HAPSTR1: variants seen among roughly 807,000 people sequenced by gnomAD.
HAPSTR1 encodes the protein HUWE1-associated protein modifying stress responses 1.
the HAPSTR1 span, chr16:9,105,575 A>G: frequency 7.2e-5 from 11 of 152,350 alleles, no homozygotes; most frequent in South Asian, 1.0e-3. Context: ...AGTGACTTCA[A>G]CTGGGTGTCC....
At chr16:9,113,180 C>T in the HAPSTR1 span, 5 of 152,112 alleles carry the variant, frequency 3.3e-5, no homozygotes, top group South Asian at 1.0e-3. Flanking sequence ...TGTCAAAATG[C>T]ACATTTTTTG....
At chr16:9,103,511 G>T in the HAPSTR1 span, 2 of 448,114 alleles carry the variant, frequency 4.5e-6, no homozygotes, top group Admixed American at 4.0e-5. Context: ...TCTTTCTGCA[G>T]TGTTGATTAG....
At chr16:9,093,108 C>CA in the HAPSTR1 span, 1,449 of 1,084,554 alleles carry the variant, frequency 1.3e-3, 16 homozygotes, top group African/African-American at 0.021. Flanking sequence ...AGCTGCTAAC[C>CA]TTGAATACCT....
At chr16:9,116,620 A>T in the HAPSTR1 span, 1 of 1,587,582 alleles carries the variant, frequency 6.3e-7, no homozygotes, top group Non-Finnish European at 8.6e-7. Context: ...TTGCTTTCAA[A>T]AGGGTTACAT....
chr16:9,105,097 C>T, the HAPSTR1 span: 1 of 152,306 alleles, frequency 6.6e-6, no homozygotes, highest in African/African-American at 2.4e-5. Flanking sequence ...ACTGTATTCT[C>T]CAACTCCCAC....
chr16:9,102,249 G>T, the HAPSTR1 span, among the ~76,000 whole-genome samples: 1 of 152,230 alleles, frequency 6.6e-6, no homozygotes, highest in Non-Finnish European at 1.5e-5. Flanking sequence ...GTGATGTTCT[G>T]CTGGCACAGC....
the HAPSTR1 span, chr16:9,109,268 T>A: frequency 2.0e-5 from 3 of 152,104 alleles, no homozygotes; most frequent in Non-Finnish European, 4.4e-5. Flanking sequence ...TGGATTGAAA[T>A]CTAGTCTGCC....
chr16:9,099,430 T>G, the HAPSTR1 span, among the ~76,000 whole-genome samples: 2 of 152,196 alleles, frequency 1.3e-5, no homozygotes, highest in Non-Finnish European at 2.9e-5. Flanking sequence ...TGGCTTCAAG[T>G]GATCCACCCA....
the HAPSTR1 span, chr16:9,118,064 A>G: frequency 6.6e-6 from 1 of 152,598 alleles, no homozygotes; most frequent in African/African-American, 2.4e-5. Context: ...TTCTCAATAG[A>G]TTCCTCTTTT....
the HAPSTR1 span, chr16:9,112,236 C>T: frequency 6.6e-6 from 1 of 152,186 alleles, no homozygotes; most frequent in African/African-American, 2.4e-5. Context: ...TGTCCTGGCA[C>T]CTCAGAACAC....
chr16:9,119,694 A>T, the HAPSTR1 span: 20 of 152,228 alleles, frequency 1.3e-4, no homozygotes, highest in African/African-American at 4.8e-4. Context: ...AAAACAAAAA[A>T]ACCATGGGGC....
chr16:9,106,711 A>G, the HAPSTR1 span: 1 of 151,916 alleles, frequency 6.6e-6, no homozygotes, highest in Non-Finnish European at 1.5e-5. Flanking sequence ...GGACCTAGTC[A>G]TCTGTATGTT....
the HAPSTR1 span, chr16:9,116,571 A>G: frequency 6.9e-7 from 1 of 1,456,224 alleles, no homozygotes; most frequent in Non-Finnish European, 9.3e-7. Flanking sequence ...AAATAGGCAG[A>G]CATGCTTTGA....
the HAPSTR1 span, among the ~76,000 whole-genome samples, chr16:9,102,071 C>T: frequency 6.6e-6 from 1 of 152,200 alleles, no homozygotes; most frequent in Non-Finnish European, 1.5e-5. Flanking sequence ...GAGATCGAGC[C>T]ATCGCACTAC....
chr16:9,116,883 C>A, the HAPSTR1 span: 2 of 1,614,144 alleles, frequency 1.2e-6, no homozygotes, highest in Non-Finnish European at 1.7e-6. Flanking sequence ...TACAGACTCA[C>A]CAACCCATAA....
chr16:9,099,139 AG>A, the HAPSTR1 span, among the ~76,000 whole-genome samples: 93,452 of 149,808 alleles, frequency 0.62, 30,637 homozygotes, highest in African/African-American at 0.83. Flanking sequence ...AAGCATTTAA[AG>A]AAAAAAAAGG....
chr16:9,092,860 C>T, the HAPSTR1 span: 11 of 1,436,688 alleles, frequency 7.7e-6, no homozygotes, highest in African/African-American at 4.3e-5. Flanking sequence ...CTCTTTCTTT[C>T]TCTTTCTATG....
the HAPSTR1 span, among the ~76,000 whole-genome samples, chr16:9,113,909 A>T: frequency 1.3e-5 from 2 of 152,184 alleles, no homozygotes; most frequent in Non-Finnish European, 2.9e-5. Context: ...GGTGTTGGAG[A>T]GGTGAATAAA....
At chr16:9,103,811 T>C in the HAPSTR1 span, 1 of 153,402 alleles carries the variant, frequency 6.5e-6, no homozygotes, top group Non-Finnish European at 1.5e-5. Context: ...GTGCAGCCAG[T>C]GGGCAGGTGG....
Sources: allele counts gnomAD v4.1 joint callset (sites outside exome capture counted in the v4.1 genomes callset), GRCh38; gene constraint gnomAD v4.1.1; transcripts MANE v1.5; gene names NCBI Gene and HGNC (gene_info 2026-07-23, HGNC 2026-07-21).